Variants in SYNE1 observed in about 807,000 individuals in gnomAD.
The protein encoded by SYNE1 is spectrin repeat containing nuclear envelope protein 1.
A neutral mutation model predicts 1,111.0 loss-of-function variants in SYNE1; 616 were observed. The ratio of observed to expected loss-of-function variants is 0.55; its 90% CI spans 0.52 to 0.59. SYNE1 has a LOEUF of 0.59. Ranked by LOEUF, SYNE1 falls within the 20% of genes least tolerant of loss-of-function variation. The probability of loss-of-function intolerance (pLI) is 0.00; values close to 1 mark genes in which losing one functional copy is unlikely to be tolerated. For synonymous variants in SYNE1, 3,855 were observed against 3,825.8 expected, an observed-to-expected ratio of 1.01 and a Z score of -0.28; for missense variants, 10,006 against 10,417.0, an observed-to-expected ratio of 0.96 and a Z score of 1.72.
Position 152,148,739 on chromosome 6 carries a change from T to C in SYNE1, c.24643-361A>G, listed in dbSNP as rs718528. On this transcript the variant is annotated intron_variant, in intron 136 of 145. Coordinates refer to ENST00000367255, the MANE Select transcript of SYNE1 (RefSeq NM_182961.4). The surrounding 1 kb of genome is among the most constrained non-coding windows in gnomAD (Gnocchi z 4.1). Reference sequence around the variant, plus strand: ...TATCCTACATAAGCCTCAGTTTCATTGTTGGTAAAATGGGAATAACATTAA... The same window carrying C: ...TATCCTACATAAGCCTCAGTTTCATCGTTGGTAAAATGGGAATAACATTAA... 0.26 allele frequency among the ~76,000 whole-genome samples: 39,689 copies of C among 151,440 alleles called. 5,588 individuals carry two copies. Among genetic ancestry groups the C allele is most frequent in the Admixed American group, 0.38 (5,773 of 15,204 alleles).
rs2096801520 is a variant in SYNE1 at position 152,354,604 on chromosome 6, A to C, written c.10926+55T>G. The C allele has an allele frequency of 6.2e-6, 10 of 1,602,206 alleles. No homozygotes were observed. The South Asian group carries it at 1.1e-4, about 18-fold the overall frequency. On this transcript the variant is annotated intron_variant, in intron 67 of 145. Coordinates refer to ENST00000367255, the MANE Select transcript of SYNE1 (RefSeq NM_182961.4). ...GTTACTAAATATCTTAATGAAACAAACTATGCAAGGTAACTGTAGCTTTGA... is the reference window on the plus strand; with the variant it reads ...GTTACTAAATATCTTAATGAAACAACCTATGCAAGGTAACTGTAGCTTTGA...
Position 152,176,432 on chromosome 6 carries a change from G to C in SYNE1, c.23589C>G (p.Asn7863Lys). Residue 7863 changes from asparagine (N) to lysine (K), a missense_variant, in exon 130 of 146, where the codon AAC (asparagine) becomes AAG (lysine). Asn to Lys is a moderately conservative substitution (Grantham distance 94). Transcript: ENST00000367255. ...GGTCCAGGAGATGCTGCCACCGGTCGTTGACCTTTCCCAGCTTGTATTCAA... is the reference window on the plus strand; with the variant it reads ...GGTCCAGGAGATGCTGCCACCGGTCCTTGACCTTTCCCAGCTTGTATTCAA... ...SEIEYKLGKV[N>K]DRWQHLLDLI... 6.2e-7 allele frequency: 1 copy of C among 1,614,172 alleles called. No individual in the cohort carries two copies. Among genetic ancestry groups the C allele is most frequent in the Non-Finnish European group, 8.5e-7 (1 of 1,180,008 alleles).
At position 152,433,780 on chromosome 6, in the gene SYNE1, G is replaced by A. The variant is rs757969745; in HGVS notation, c.4461+15C>T. On this transcript the variant is annotated intron_variant, in intron 34 of 145. Transcript: ENST00000367255. ...GCTAGACATGGATTATAAATATAAT[G>A]TGTGAGCAGGTCACCTTAATTTGGC... 232 of 1,613,442 alleles carry A rather than the reference G, an allele frequency of 1.4e-4. 2 individuals carry two copies. Among genetic ancestry groups the A allele is most frequent in the Non-Finnish European group, 1.3e-4 (157 of 1,179,512 alleles).
intron 40 of SYNE1, 134 bp from the exon 41 acceptor site, chr6:152,417,149 G>A (rs2098167114): frequency 7.8e-7 from 1 of 1,288,036 alleles, no homozygotes; most frequent in African/African-American, 1.5e-5. Flanking sequence ...CATCTACAGT[G>A]AATCTTAGAA....
At chr6:152,262,881 G>GTAGTACAGGGCACGGAGGGA (rs2092213214) in intron 100 of SYNE1, among the ~76,000 whole-genome samples, 1 of 151,730 alleles carries the variant, frequency 6.6e-6, no homozygotes, top group Non-Finnish European at 1.5e-5. Flanking sequence ...ACCTGGGAAC[G>GTAGTACAGGGCACGGAGGGA]TAGTACAGGG....
intron 115 of SYNE1, among the ~76,000 whole-genome samples, chr6:152,226,496 G>T (rs144468299): frequency 2.6e-5 from 4 of 152,246 alleles, no homozygotes; most frequent in African/African-American, 9.6e-5. Context: ...CTTCTTTGAT[G>T]AATCAAATCC....
chr6:152,211,435 A>G, intron 124 of SYNE1, 59 bp downstream of exon 124: 1 of 1,466,988 alleles, frequency 6.8e-7, no homozygotes. Context: ...CTGCTCATTA[A>G]AAAGAAAATG....
At chr6:152,599,700 A>T (rs753341746) in intron 3 of SYNE1, among the ~76,000 whole-genome samples, 1 of 152,194 alleles carries the variant, frequency 6.6e-6, no homozygotes, top group East Asian at 1.9e-4. Flanking sequence ...ATTAAAATCC[A>T]TTGGCCAGAT....
At chr6:152,274,924 T>C (rs1361187868) in intron 98 of SYNE1, among the ~76,000 whole-genome samples, 1 of 152,178 alleles carries the variant, frequency 6.6e-6, no homozygotes, top group African/African-American at 2.4e-5. Context: ...TCTCACACTG[T>C]CACCCAGGCT....
chr6:152,277,273 T>C (rs912543993), intron 98 of SYNE1, among the ~76,000 whole-genome samples: 5 of 128,610 alleles, frequency 3.9e-5, no homozygotes, highest in African/African-American at 6.0e-5. Context: ...TCTTTTTTTT[T>C]TTTTTTTTTT....
At chr6:152,343,155 TC>T (rs2096566090) in intron 74 of SYNE1, among the ~76,000 whole-genome samples, 3 of 79,696 alleles carry the variant, frequency 3.8e-5, no homozygotes, top group African/African-American at 1.2e-4. Flanking sequence ...CGTTTTCTTT[TC>T]TTTTTTTTTT....
chr6:152,579,768 G>A (rs2099513174), intron 3 of SYNE1, among the ~76,000 whole-genome samples: 1 of 152,166 alleles, frequency 6.6e-6, no homozygotes, highest in Non-Finnish European at 1.5e-5. Context: ...GTAACAACAT[G>A]TGGTACTTGG....
chr6:152,431,956 T>C (rs1192620354), intron 34 of SYNE1, among the ~76,000 whole-genome samples: 1 of 152,210 alleles, frequency 6.6e-6, no homozygotes, highest in Non-Finnish European at 1.5e-5. Flanking sequence ...AAAGCACTAA[T>C]AATTGTTCTA....
At chr6:152,548,845 C>T (rs535602666) in intron 3 of SYNE1, among the ~76,000 whole-genome samples, 7 of 152,234 alleles carry the variant, frequency 4.6e-5, no homozygotes, top group African/African-American at 1.4e-4. Context: ...AATCTGAACT[C>T]GTATGGTACT....
At chr6:152,161,109 T>C (rs2062394516) in intron 131 of SYNE1, among the ~76,000 whole-genome samples, 1 of 150,266 alleles carries the variant, frequency 6.7e-6, no homozygotes, top group African/African-American at 2.4e-5. Flanking sequence ...TCAGTTATTT[T>C]ATAAAAGTCC....
chr6:152,218,015 T>C (rs1372821535), intron 121 of SYNE1, among the ~76,000 whole-genome samples: 1 of 151,972 alleles, frequency 6.6e-6, no homozygotes, highest in African/African-American at 2.4e-5. Context: ...TCAAGACCAG[T>C]GAAACCTCGT....
chr6:152,265,406 A>T (rs920444482), intron 100 of SYNE1, among the ~76,000 whole-genome samples: 1 of 152,140 alleles, frequency 6.6e-6, no homozygotes, highest in Non-Finnish European at 1.5e-5. Context: ...AAAAATGCCA[A>T]AACATAATTG....
At chr6:152,443,725 T>G (rs2098553182) in intron 30 of SYNE1, among the ~76,000 whole-genome samples, 1 of 152,230 alleles carries the variant, frequency 6.6e-6, no homozygotes, top group Non-Finnish European at 1.5e-5. Context: ...ATTTTGCTAC[T>G]GTGTATCAGG....
rs560740757 is a variant in SYNE1 at position 152,425,363 on chromosome 6, T to C, written c.5267+18A>G. 2 of 1,612,158 alleles carry C rather than the reference T, an allele frequency of 1.2e-6. No homozygotes were observed. The highest frequency in any genetic ancestry group is 2.2e-5 in the South Asian group (2 of 90,932). On this transcript the variant is annotated intron_variant, in intron 39 of 145. Coordinates refer to ENST00000367255, the MANE Select transcript of SYNE1 (RefSeq NM_182961.4). The stretch of plus-strand genomic sequence containing the variant: ...AAACAAATGAACAATATTAGAAGAT[T>C]TATCTTTTAGAACCAACCTTTTGTT...
Sources: gnomAD v4.1 joint callset for allele counts (sites outside exome capture counted in the v4.1 genomes callset) on GRCh38, gnomAD v4.1.1 for gene constraint, Gnocchi (gnomAD v3.1) non-coding constraint, MANE v1.5 for transcripts, NCBI Gene and HGNC (gene_info 2026-07-23, HGNC 2026-07-21) for gene names.